Variants in DIAPH2 observed in about 807,000 individuals in gnomAD.
The protein encoded by DIAPH2 is protein diaphanous homolog 2.
In DIAPH2, 35 loss-of-function variants were observed where a neutral mutation model predicts 92.7. That is an observed-to-expected ratio of 0.38 (90% CI 0.29 to 0.50). The LOEUF (loss-of-function observed/expected upper bound fraction) is 0.50. Among genes scored for constraint, DIAPH2 ranks in the 20% least tolerant of loss-of-function variants. The pLI is 0.94. For synonymous variants in DIAPH2, 301 were observed against 280.4 expected, an observed-to-expected ratio of 1.07 and a Z score of -0.73; for missense variants, 701 against 819.5, an observed-to-expected ratio of 0.86 and a Z score of 1.77.
chrX:97,338,176 A>G (rs1003392972), intron 23 of DIAPH2, among the ~76,000 whole-genome samples: 2 of 111,041 alleles, frequency 1.8e-5, no homozygotes, highest in African/African-American at 6.5e-5. Flanking sequence ...CTGGCCTATA[A>G]TCTGATTTTT....
chrX:96,933,294 TTC>T (rs999733267), intron 10 of DIAPH2, among the ~76,000 whole-genome samples: 3 of 110,105 alleles, frequency 2.7e-5, no homozygotes, highest in African/African-American at 9.9e-5. Context: ...TTTTCTTTTT[TTC>T]TCTTTTTCAT....
intron 26 of DIAPH2, among the ~76,000 whole-genome samples, chrX:97,440,594 CA>C (rs775916074): frequency 0.14 from 5,476 of 39,342 alleles, 156 homozygotes; most frequent in African/African-American, 0.22. Context: ...CTTCGTCTCA[CA>C]AAAAAAAAAA....
At chrX:97,339,313 G>A (rs915496158) in intron 23 of DIAPH2, among the ~76,000 whole-genome samples, 3 of 110,333 alleles carry the variant, frequency 2.7e-5, no homozygotes, top group African/African-American at 9.9e-5. Flanking sequence ...GAAGGAGTTC[G>A]AGACTAACCT....
Position 96,840,943 on chromosome X carries a change from C to T in DIAPH2, c.448-40636C>T, listed in dbSNP as rs193172004. On this transcript the variant is annotated intron_variant, in intron 4 of 26. Coordinates refer to ENST00000324765, the MANE Select transcript of DIAPH2 (RefSeq NM_006729.5). ...TGAGATGTTAATCAGTTTCCCTTCT[C>T]TTCTAGTTTTGGATATCTAATGGAA... 6.5e-3 allele frequency among the ~76,000 whole-genome samples: 725 copies of T among 111,869 alleles called. 4 individuals are homozygous for T. Among genetic ancestry groups the T allele is most frequent in the Non-Finnish European group, 0.01 (544 of 53,141 alleles).
intron 4 of DIAPH2, among the ~76,000 whole-genome samples, chrX:96,815,410 C>T (rs930330415): frequency 1.3e-4 from 14 of 111,643 alleles, no homozygotes; most frequent in Non-Finnish European, 2.1e-4. Flanking sequence ...CAGAGTGTCC[C>T]GTTTTTTTAG....
At chrX:97,507,122 C>T (rs1244591312) in intron 26 of DIAPH2, among the ~76,000 whole-genome samples, 3 of 73,636 alleles carry the variant, frequency 4.1e-5, no homozygotes, top group Admixed American at 2.1e-4. Flanking sequence ...GCTGAGGATA[C>T]ACCAGTGAAC....
At chrX:97,271,714 C>T (rs2068387488) in intron 23 of DIAPH2, among the ~76,000 whole-genome samples, 1 of 108,699 alleles carries the variant, frequency 9.2e-6, no homozygotes, top group Admixed American at 1.0e-4. Context: ...TGGTGTAGAG[C>T]ATCACACAGT....
chrX:97,359,351 A>G (rs1057441199), intron 24 of DIAPH2, among the ~76,000 whole-genome samples: 1 of 110,710 alleles, frequency 9.0e-6, no homozygotes, highest in Non-Finnish European at 1.9e-5. Context: ...AATTGTTAAT[A>G]ATATAATGAT....
chrX:97,343,696 CAA>C (rs150594888), intron 23 of DIAPH2, among the ~76,000 whole-genome samples: 52 of 91,753 alleles, frequency 5.7e-4, no homozygotes, highest in Admixed American at 7.1e-4. Context: ...GAAAGCAAAG[CAA>C]AAAAAAAAAA....
rs944347269 is a variant in DIAPH2, at chrX:97,274,627, T to G, written c.2844+26788T>G. On this transcript the variant is annotated intron_variant, in intron 23 of 26. Coordinates refer to ENST00000324765, the MANE Select transcript of DIAPH2 (RefSeq NM_006729.5). ...ACTGTCATTTTTCAGCACAAGTTTT[T>G]TTTTTGTTTTTTTTTTGTTTTTTTG... is the stretch of plus-strand genomic sequence containing the variant. 4.5e-5 allele frequency among the ~76,000 whole-genome samples: 5 copies of G among 110,374 alleles called. No individual in the cohort carries two copies. In the Admixed American group the frequency reaches 4.8e-4, roughly 11 times the overall value.
In DIAPH2 at chrX:96,884,747, A is replaced by G. The variant is rs150547120; in HGVS notation, c.587+3029A>G. 2.5e-5 allele frequency: 30 copies of G among 1,207,871 alleles called. No homozygotes were observed. In the African/African-American group the frequency reaches 4.9e-4, roughly 20 times the overall value. ...AAGAGCCTTGAGGTATTGAAAATTC[A>G]TGTCCTAGAGGACATGAACGAGTTC... On this transcript the variant is annotated intron_variant, in intron 5 of 26. Transcript: ENST00000324765.
At chrX:97,064,118 C>T (rs1005709716) in intron 17 of DIAPH2, among the ~76,000 whole-genome samples, 12 of 112,058 alleles carry the variant, frequency 1.1e-4, no homozygotes, top group Non-Finnish European at 1.9e-4. Flanking sequence ...AAGCAGGTGT[C>T]ATCAGCACAT....
At chrX:97,478,581 A>G (rs774031774) in intron 26 of DIAPH2, among the ~76,000 whole-genome samples, 1 of 112,172 alleles carries the variant, frequency 8.9e-6, no homozygotes, top group Non-Finnish European at 1.9e-5. Flanking sequence ...GTAGAAACAT[A>G]GTTAATTGTT....
intron 22 of DIAPH2, among the ~76,000 whole-genome samples, chrX:97,229,691 T>G (rs754209493): frequency 9.2e-6 from 1 of 108,979 alleles, no homozygotes; most frequent in South Asian, 4.0e-4. Flanking sequence ...ATGTTTAATT[T>G]TATGTGAGAC....
intron 22 of DIAPH2, among the ~76,000 whole-genome samples, chrX:97,183,199 G>A (rs2067554140): frequency 9.0e-6 from 1 of 111,301 alleles, no homozygotes; most frequent in Non-Finnish European, 1.9e-5. Context: ...GTCAGTTTGG[G>A]GTATGCACTT....
chrX:96,861,897 C>A (rs1224355225), intron 4 of DIAPH2, among the ~76,000 whole-genome samples: 2 of 112,173 alleles, frequency 1.8e-5, no homozygotes. Context: ...TCTCTCATCA[C>A]TGAATCTTCC....
At chrX:96,733,240 C>T (rs2064066575) in intron 1 of DIAPH2, among the ~76,000 whole-genome samples, 1 of 111,868 alleles carries the variant, frequency 8.9e-6, no homozygotes, top group Admixed American at 9.5e-5. Context: ...TTAGAACGTG[C>T]TAAATCTTGT....
At chrX:97,271,856 GACAT>G (rs2068390459) in intron 23 of DIAPH2, among the ~76,000 whole-genome samples, 1 of 100,939 alleles carries the variant, frequency 9.9e-6, no homozygotes, top group Non-Finnish European at 2.0e-5. Context: ...CATGCGTACA[GACAT>G]ACATATATAC....
chrX:97,273,577 C>T (rs1224169745), intron 23 of DIAPH2, among the ~76,000 whole-genome samples: 1 of 111,983 alleles, frequency 8.9e-6, no homozygotes, highest in Non-Finnish European at 1.9e-5. Flanking sequence ...ATGATATGGA[C>T]GATTGCATGA....
Sources: allele counts gnomAD v4.1 joint callset (sites outside exome capture counted in the v4.1 genomes callset), GRCh38; gene constraint gnomAD v4.1.1; transcripts MANE v1.5; gene names NCBI Gene and HGNC (gene_info 2026-07-23, HGNC 2026-07-21).